The following LRRC37A2 variants were observed in gnomAD, a reference collection of about 807,000 sequenced individuals.
LRRC37A2 encodes the protein leucine-rich repeat-containing protein 37A2.
In LRRC37A2, 9 loss-of-function variants were observed where a neutral mutation model predicts 68.8. That is an observed-to-expected ratio of 0.13 (90% CI 0.08 to 0.23). LRRC37A2 has a LOEUF of 0.23. Among genes scored for constraint, LRRC37A2 ranks in the 10% least tolerant of loss-of-function variants. The pLI is 1.00. For missense variants in LRRC37A2, 168 were observed against 950.4 expected (o/e 0.18, Z 10.82); for synonymous variants, 63 against 367.6 (o/e 0.17, Z 9.48).
chr17:46,966,183 A>G, the LRRC37A2 span, among the ~76,000 whole-genome samples: 1 of 152,218 alleles, frequency 6.6e-6, no homozygotes, highest in East Asian at 1.9e-4. Context: ...GTGCTCACAA[A>G]AATGTTCCAT....
the LRRC37A2 span, among the ~76,000 whole-genome samples, chr17:46,944,031 G>T: frequency 6.6e-6 from 1 of 152,292 alleles, no homozygotes; most frequent in South Asian, 2.1e-4. Flanking sequence ...GGTTCCACTG[G>T]CCCTTCCTTC....
the LRRC37A2 span, among the ~76,000 whole-genome samples, chr17:46,985,901 G>A: frequency 2.0e-5 from 3 of 152,214 alleles, no homozygotes; most frequent in African/African-American, 7.2e-5. Flanking sequence ...AGACAGTGAG[G>A]AGCCAAAGGT....
At chr17:46,402,194 A>AC in the LRRC37A2 span, among the ~76,000 whole-genome samples, 2 of 1,372 alleles carry the variant, frequency 1.5e-3, 1 homozygote, top group Non-Finnish European at 0.067. Flanking sequence ...AAAAAAAAAA[A>AC]AAAAAAAAAA....
the LRRC37A2 span, among the ~76,000 whole-genome samples, chr17:46,791,191 C>G: frequency 5.9e-5 from 9 of 152,150 alleles, no homozygotes; most frequent in South Asian, 1.7e-3. Flanking sequence ...CATTTCCCCC[C>G]AACCCAGGAC....
At chr17:46,592,922 AC>A in the LRRC37A2 span, among the ~76,000 whole-genome samples, 7 of 139,922 alleles carry the variant, frequency 5.0e-5, no homozygotes, top group Non-Finnish European at 9.4e-5. Flanking sequence ...AGGGTGGGTA[AC>A]CCTTTATGTC....
chr17:46,751,744 C>T, the LRRC37A2 span: 1 of 573,708 alleles, frequency 1.7e-6, no homozygotes, highest in Non-Finnish European at 3.0e-6. Context: ...TATTTCCAAA[C>T]TTAATTTGGT....
At chr17:46,867,736 G>T in the LRRC37A2 span, among the ~76,000 whole-genome samples, 1 of 152,206 alleles carries the variant, frequency 6.6e-6, no homozygotes, top group Non-Finnish European at 1.5e-5. Flanking sequence ...GGTGGGGAAG[G>T]AGGTTCCAGG....
At chr17:46,721,556 T>A in the LRRC37A2 span, 3 of 1,320,800 alleles carry the variant, frequency 2.3e-6, no homozygotes, top group Non-Finnish European at 3.2e-6. Context: ...TGTGTGAATA[T>A]ATACTTTTTA....
chr17:46,618,402 GA>G, the LRRC37A2 span, among the ~76,000 whole-genome samples: 1 of 122,706 alleles, frequency 8.1e-6, no homozygotes, highest in African/African-American at 3.4e-5. Flanking sequence ...ATACTTCGTT[GA>G]AAAAATGAGA....
At chr17:46,749,745 T>C in the LRRC37A2 span, 1 of 1,601,990 alleles carries the variant, frequency 6.2e-7, no homozygotes, top group African/African-American at 1.3e-5. Flanking sequence ...ATTATGTACA[T>C]TTTAACACAT....
chr17:46,598,846 T>C, the LRRC37A2 span, among the ~76,000 whole-genome samples: 37 of 148,626 alleles, frequency 2.5e-4, no homozygotes, highest in South Asian at 2.9e-3. Flanking sequence ...AAACAAATAC[T>C]ATAAAGTGTT....
the LRRC37A2 span, chr17:46,978,225 C>T: frequency 4.9e-6 from 1 of 203,318 alleles, no homozygotes; most frequent in Middle Eastern, 1.8e-3. Context: ...AAGATCAGGC[C>T]AACAAGCTCA....
chr17:46,764,349 C>T, the LRRC37A2 span: 3 of 152,616 alleles, frequency 2.0e-5, no homozygotes, highest in Admixed American at 6.5e-5. Context: ...AGATAAGCCT[C>T]AGGTCTGTTC....
the LRRC37A2 span, among the ~76,000 whole-genome samples, chr17:46,709,286 A>G: frequency 2.0e-5 from 3 of 152,130 alleles, no homozygotes; most frequent in African/African-American, 2.4e-5. Flanking sequence ...TAATTTGGCC[A>G]TGAGGAAGTG....
chr17:46,940,112 C>T, the LRRC37A2 span: 1 of 1,192,602 alleles, frequency 8.4e-7, no homozygotes, highest in South Asian at 2.5e-5. Flanking sequence ...CTGTGTTCCT[C>T]TTCACCTCTC....
the LRRC37A2 span, among the ~76,000 whole-genome samples, chr17:46,492,998 GT>G: frequency 1.5e-3 from 198 of 130,056 alleles, no homozygotes; most frequent in Admixed American, 2.2e-3. Context: ...CTGGCCTCAA[GT>G]TTTTTTTTTT....
chr17:46,996,324 T>G, the LRRC37A2 span, among the ~76,000 whole-genome samples: 5 of 152,216 alleles, frequency 3.3e-5, no homozygotes, highest in African/African-American at 1.2e-4. Context: ...GTGGGCCTAG[T>G]GCAAGCACTT....
chr17:46,985,915 T>C, the LRRC37A2 span, among the ~76,000 whole-genome samples: 1 of 152,234 alleles, frequency 6.6e-6, no homozygotes. Context: ...CAAAGGTCTG[T>C]ACCTCGTCTA....
At chr17:46,770,313 C>G in the LRRC37A2 span, among the ~76,000 whole-genome samples, 1 of 152,254 alleles carries the variant, frequency 6.6e-6, no homozygotes, top group African/African-American at 2.4e-5. Flanking sequence ...CAAAGCAGTG[C>G]CTGTTAGAAA....
Sources: allele counts gnomAD v4.1 joint callset (sites outside exome capture counted in the v4.1 genomes callset), GRCh38; gene constraint gnomAD v4.1.1; transcripts MANE v1.5; gene names NCBI Gene and HGNC (gene_info 2026-07-23, HGNC 2026-07-21).